The following IGSF5 variants were observed in gnomAD, a reference collection of about 807,000 sequenced individuals.
IGSF5 encodes immunoglobulin superfamily member 5.
Under a neutral mutation model 39.4 loss-of-function variants are expected in IGSF5, and 41 were observed. That is an observed-to-expected ratio of 1.04 (90% CI 0.81 to 1.35). The LOEUF is 1.35. Among genes scored for constraint, IGSF5 ranks in the 40% most tolerant of loss-of-function variants. IGSF5 has a pLI of 0.00. For missense variants in IGSF5, 487 were observed against 494.6 expected, an observed-to-expected ratio of 0.98 and a Z score of 0.15; for synonymous variants, 183 against 175.3, an observed-to-expected ratio of 1.04 and a Z score of -0.34.
rs117766152 is a variant in IGSF5 at position 39,765,752 on chromosome 21, G to A, written c.318G>A (p.Ser106=). ...QRYDQGGNFT[S]EMIIHNVEPS... is the part of the protein sequence containing the mutation. ...ACGACCAGGGCGGGAACTTCACCTC[G>A]GAGATGATCATCCACAATGTGGAGC... Residue 106 remains serine, a synonymous_variant, in exon 3 of 9, where the codon TCG becomes TCA. Coordinates refer to ENST00000380588, the MANE Select transcript of IGSF5 (RefSeq NM_001080444.2). The A allele has an allele frequency of 1.9e-3, 3,113 of 1,614,078 alleles. 6 individuals carry two copies. Among genetic ancestry groups the A allele is most frequent in the Non-Finnish European group, 2.5e-3 (2,901 of 1,180,000 alleles).
At chr21:39,735,183 T>TA in the IGSF5 span, among the ~76,000 whole-genome samples, 1 of 152,160 alleles carries the variant, frequency 6.6e-6, no homozygotes, top group African/African-American at 2.4e-5. Context: ...TAATCATTTT[T>TA]AAAAAACAAA....
At chr21:39,719,026 G>A in the IGSF5 span, among the ~76,000 whole-genome samples, 1 of 152,116 alleles carries the variant, frequency 6.6e-6, no homozygotes, top group Non-Finnish European at 1.5e-5. Context: ...CAGTTTTGCA[G>A]CTCCTTATTG....
In IGSF5 at chr21:39,779,301, AAG is replaced by A; in HGVS notation, c.933_934del (p.Gly312IlefsTer10). ...CRCCFCCRRKRGFRIQFQKKS... is the reference protein window; with the variant it reads ...CRCCFCCRRKXGFRIQFQKKS... The stretch of plus-strand genomic sequence containing the variant: ...GTTGTTGTTTCTGCTGTAGAAGAAA[AAG>A]AGGTAATTTTTTTGTTCATTTACAT... On this transcript the variant is annotated frameshift_variant and splice_region_variant, in exon 5 of 9. Coordinates refer to ENST00000380588, the MANE Select transcript of IGSF5 (RefSeq NM_001080444.2). LOFTEE classifies it high-confidence loss of function. 1 of 1,611,792 alleles carries A rather than the reference AAG, an allele frequency of 6.2e-7. No individual in the cohort carries two copies. The highest frequency in any genetic ancestry group is 8.5e-7 in the Non-Finnish European group (1 of 1,178,464).
At chr21:39,783,586 G>T (rs1010296480) in intron 5 of IGSF5, among the ~76,000 whole-genome samples, 1 of 152,040 alleles carries the variant, frequency 6.6e-6, no homozygotes, top group Non-Finnish European at 1.5e-5. Flanking sequence ...TTTTGCTGTC[G>T]AGATGTTTGA....
upstream of IGSF5, among the ~76,000 whole-genome samples, chr21:39,744,785 A>C (rs2079964065): frequency 6.6e-6 from 1 of 152,240 alleles, no homozygotes; most frequent in Admixed American, 6.5e-5. Context: ...AGGTGTGCTC[A>C]CAGCGAAGTT....
chr21:39,786,963 TA>T (rs2086925299), intron 5 of IGSF5, among the ~76,000 whole-genome samples: 2 of 150,316 alleles, frequency 1.3e-5, no homozygotes, highest in South Asian at 2.1e-4. Flanking sequence ...TGTTGTGGGG[TA>T]GGGGGAAGGG....
intron 8 of IGSF5, among the ~76,000 whole-genome samples, chr21:39,799,086 C>G (rs558709722): frequency 6.6e-6 from 1 of 152,274 alleles, no homozygotes; most frequent in East Asian, 1.9e-4. Flanking sequence ...AGTTCCTAGA[C>G]CTCTTGGTCC....
At chr21:39,733,932 G>A in the IGSF5 span, among the ~76,000 whole-genome samples, 2 of 152,034 alleles carry the variant, frequency 1.3e-5, no homozygotes, top group South Asian at 2.1e-4. Context: ...CAGTCATATC[G>A]AATTCGGGCC....
intron 2 of IGSF5, among the ~76,000 whole-genome samples, chr21:39,748,137 G>C (rs531674829): frequency 6.6e-6 from 1 of 152,070 alleles, no homozygotes; most frequent in South Asian, 2.1e-4. Flanking sequence ...TTAAATAGCA[G>C]ACATTCATTT....
intron 5 of IGSF5, among the ~76,000 whole-genome samples, chr21:39,781,250 T>C (rs1362823945): frequency 6.6e-6 from 1 of 152,242 alleles, no homozygotes; most frequent in Non-Finnish European, 1.5e-5. Context: ...TTTTGCATTT[T>C]ACTTTTTTTC....
rs1317995060 is a variant in IGSF5 at position 39,793,565 on chromosome 21, A to C, written c.1080A>C (p.Glu360Asp). 31 of 1,614,080 alleles carry C rather than the reference A, an allele frequency of 1.9e-5. No individual in the cohort carries two copies. Among genetic ancestry groups the C allele is most frequent in the Non-Finnish European group, 2.5e-5 (29 of 1,179,954 alleles). ...CTTCTCTCCCTCCCAAATCCTGTGA[A>C]TCCAGTGATCCTGAACAAAGAAACA... Reference protein sequence around the residue: ...DTASLPPKSCESSDPEQRNSS... With the variant: ...DTASLPPKSCDSSDPEQRNSS... The change falls in exon 8 of 9, where the codon GAA becomes GAC. Residue 360 changes from glutamate to aspartate, a missense_variant. Glu to Asp is a conservative substitution (Grantham distance 45, BLOSUM62 2). Coordinates refer to ENST00000380588, the MANE Select transcript of IGSF5 (RefSeq NM_001080444.2).
rs141251107 is a variant in IGSF5 at position 39,750,508 on chromosome 21, C to CAAAA, written c.100+4211_100+4212insAAAA. Among the ~76,000 whole-genome samples, 15 of 123,712 alleles carry CAAAA rather than the reference C, an allele frequency of 1.2e-4. 3 individuals are homozygous for CAAAA. Among genetic ancestry groups the CAAAA allele is most frequent in the Admixed American group, 3.4e-4 (4 of 11,916 alleles). The allele number at this position is 123,712 out of a possible 152,430, so 81.2% of individuals were successfully genotyped here. On this transcript the variant is annotated intron_variant, in intron 2 of 8. Coordinates refer to ENST00000380588, the MANE Select transcript of IGSF5 (RefSeq NM_001080444.2). ...GGGTAACAGAGCAAGACACTGTCTC[C>CAAAA]AGAAAAAAAAAAAAAAAAGCAGTTC...
chr21:39,801,614 C>T lies in IGSF5; in HGVS notation c.*257C>T, dbSNP rs1178532675. 5.7e-6 allele frequency: 2 copies of T among 348,582 alleles called. No individual in the cohort carries two copies. Among genetic ancestry groups the T allele is most frequent in the Non-Finnish European group, 1.0e-5 (2 of 191,422 alleles). The allele number at this position is 348,582 out of a possible 1,614,324, so 21.6% of individuals were successfully genotyped here. ...AGTTACTAAGTAAAAGCTGCAAATT[C>T]ATCATAATTTTTCTCAACATTCAAC... On this transcript the variant is annotated 3_prime_UTR_variant, in exon 9 of 9. Transcript: ENST00000380588.
rs779112202 is a variant in IGSF5 at position 39,779,311 on chromosome 21, T to A, written c.934+6T>A. 6.2e-7 allele frequency: 1 copy of A among 1,610,688 alleles called. No homozygotes were observed. The highest frequency in any genetic ancestry group is 1.1e-5 in the South Asian group (1 of 90,926). On this transcript the variant is annotated splice_donor_region_variant and intron_variant, in intron 5 of 8. Coordinates refer to ENST00000380588, the MANE Select transcript of IGSF5 (RefSeq NM_001080444.2). ...CTGCTGTAGAAGAAAAAGAGGTAATTTTTTTGTTCATTTACATTTGTACAT... is the reference window on the plus strand; with the variant it reads ...CTGCTGTAGAAGAAAAAGAGGTAATATTTTTGTTCATTTACATTTGTACAT...
At chr21:39,739,651 T>A in the IGSF5 span, among the ~76,000 whole-genome samples, 1 of 152,230 alleles carries the variant, frequency 6.6e-6, no homozygotes, top group Non-Finnish European at 1.5e-5. Context: ...CGATGACTGC[T>A]CTAACTGCTT....
In IGSF5 at chr21:39,801,410, C is replaced by T. The variant is rs182064144; in HGVS notation, c.*53C>T. The T allele has an allele frequency of 3.6e-5, 46 of 1,275,974 alleles. No individual in the cohort carries two copies. The African/African-American group carries it at 5.7e-4, about 16-fold the overall frequency. 79.0% of individuals were successfully genotyped at this position (1,275,974 alleles called of 1,614,324 possible). A position where few individuals can be genotyped will look rare whatever the true frequency, so the allele number is the denominator to read the frequency against. On this transcript the variant is annotated 3_prime_UTR_variant, in exon 9 of 9. Transcript: ENST00000380588. Reference sequence around the variant, plus strand: ...ACTTGGCTGACAATTCAAAACACGGCGATGGCATCCTTCCTTTCCATCCTA... The same window carrying T: ...ACTTGGCTGACAATTCAAAACACGGTGATGGCATCCTTCCTTTCCATCCTA...
chr21:39,737,755 T>C, the IGSF5 span, among the ~76,000 whole-genome samples: 1 of 152,132 alleles, frequency 6.6e-6, no homozygotes, highest in African/African-American at 2.4e-5. Context: ...GACAGGTGTG[T>C]TGAAATGAGA....
intron 5 of IGSF5, among the ~76,000 whole-genome samples, chr21:39,785,819 A>G (rs973771838): frequency 6.6e-6 from 1 of 152,064 alleles, no homozygotes; most frequent in Non-Finnish European, 1.5e-5. Context: ...CTTTGAAGCA[A>G]TTGTGAATGG....
At position 39,760,452 on chromosome 21, in the gene IGSF5, A is replaced by G. The variant is rs79505915; in HGVS notation, c.101-5083A>G. Among the ~76,000 whole-genome samples the G allele has an allele frequency of 3.7e-3, 561 of 152,350 alleles. 21 individuals carry two copies. The East Asian group carries it at 0.08, about 22-fold the overall frequency. ...CTGCATTGCAGGCCGGTCACTGCAC[A>G]TGTGAGAGCCCTGAGGCCAGAAAGA... is the stretch of plus-strand genomic sequence containing the variant. On this transcript the variant is annotated intron_variant, in intron 2 of 8. Coordinates refer to ENST00000380588, the MANE Select transcript of IGSF5 (RefSeq NM_001080444.2).
Sources: gnomAD v4.1 joint callset for allele counts (sites outside exome capture counted in the v4.1 genomes callset) on GRCh38, gnomAD v4.1.1 for gene constraint, MANE v1.5 for transcripts, NCBI Gene and HGNC (gene_info 2026-07-23, HGNC 2026-07-21) for gene names.